Variants in PDCD11 observed in about 807,000 individuals in gnomAD.
The protein encoded by PDCD11 is programmed cell death 11.
PDCD11 carries 97 observed loss-of-function variants against 198.9 expected under a neutral mutation model. The observed-to-expected ratio is 0.49, with a 90% confidence interval of 0.41 to 0.58. PDCD11 has a LOEUF of 0.58. Ranked by LOEUF, PDCD11 falls within the 20% of genes least tolerant of loss-of-function variation. PDCD11 has a pLI of 0.00. For missense variants in PDCD11, 2,102 were observed against 2,312.7 expected, an observed-to-expected ratio of 0.91 and a Z score of 1.87; for synonymous variants, 893 against 918.0, an observed-to-expected ratio of 0.97 and a Z score of 0.49.
Position 103,441,817 on chromosome 10 carries a change from T to C in PDCD11, c.4558-9T>C, listed in dbSNP as rs2032395870. The C allele has an allele frequency of 1.2e-6, 2 of 1,613,546 alleles. No individual in the cohort carries two copies. Among genetic ancestry groups the C allele is most frequent in the African/African-American group, 2.7e-5 (2 of 74,892 alleles). ...AGGTGCTTTCTTTAGCGCCTCTGTGTTCCTCCAGGAGAAGCAAACCAAGCC... is the reference window on the plus strand; with the variant it reads ...AGGTGCTTTCTTTAGCGCCTCTGTGCTCCTCCAGGAGAAGCAAACCAAGCC... On this transcript the variant is annotated splice_polypyrimidine_tract_variant and intron_variant, in intron 30 of 35. Transcript: ENST00000369797.
chr10:103,431,814 A>C (rs888718777), intron 21 of PDCD11, among the ~76,000 whole-genome samples: 2 of 152,206 alleles, frequency 1.3e-5, no homozygotes, highest in Admixed American at 6.5e-5. Context: ...TTTTGAATGC[A>C]GTTTTGCAAA....
In PDCD11 at chr10:103,438,021, C is replaced by G. The variant is rs201159426; in HGVS notation, c.3852C>G (p.Tyr1284Ter). Reference sequence around the variant, plus strand: ...CTCTTTTGCCTTCATTCAGATGTTACATCCTGTCCACTGCAGACAACGTAT... The same window carrying G: ...CTCTTTTGCCTTCATTCAGATGTTAGATCCTGTCCACTGCAGACAACGTAT... ...DFVPQKVVRC[Y>*]ILSTADNVLT... The change falls in exon 26 of 36, where the codon TAC (tyrosine) becomes TAG (stop). Residue 1284 changes from tyrosine (Y) to a stop codon, truncating the protein, a stop_gained. Coordinates refer to ENST00000369797, the MANE Select transcript of PDCD11 (RefSeq NM_014976.2). LOFTEE classifies it high-confidence loss of function. 6.2e-7 allele frequency: 1 copy of G among 1,613,138 alleles called. No homozygotes were observed. The highest frequency in any genetic ancestry group is 8.5e-7 in the Non-Finnish European group (1 of 1,179,176).
At position 103,405,007 on chromosome 10, in the gene PDCD11, A is replaced by C. The variant is rs368300053; in HGVS notation, c.403-15A>C. On this transcript the variant is annotated splice_polypyrimidine_tract_variant and intron_variant, in intron 4 of 35. Transcript: ENST00000369797. ...GAAGGGTGTATATCAGGTCTTTCTC[A>C]TTTGTGTTATGCAGGACCTACTTCA... 1.9e-6 allele frequency: 3 copies of C among 1,612,742 alleles called. No individual in the cohort carries two copies. The highest frequency in any genetic ancestry group is 2.5e-6 in the Non-Finnish European group (3 of 1,179,212).
chr10:103,404,429 G>C (rs1311551390), intron 4 of PDCD11, among the ~76,000 whole-genome samples: 1 of 152,034 alleles, frequency 6.6e-6, no homozygotes, highest in Non-Finnish European at 1.5e-5. Flanking sequence ...CTCCTGAGTA[G>C]CTGGGATTAC....
chr10:103,440,614 C>G, intron 29 of PDCD11, 33 bp downstream of exon 29: 1 of 1,608,652 alleles, frequency 6.2e-7, no homozygotes, highest in Non-Finnish European at 8.5e-7. Context: ...GGCTGCCTAT[C>G]CTCCTCCTGG....
In PDCD11 at chr10:103,433,969, C is replaced by A. The variant is rs2032041246; in HGVS notation, c.3496C>A (p.Leu1166Ile). 1 of 1,613,522 alleles carries A rather than the reference C, an allele frequency of 6.2e-7. No individual in the cohort carries two copies. The highest frequency in any genetic ancestry group is 2.2e-5 in the East Asian group (1 of 44,882). Residue 1166 changes from leucine to isoleucine, a missense_variant, in exon 23 of 36, where the codon CTT becomes ATT. Physicochemically the swap from Leu to Ile is conservative, Grantham distance 5. Transcript: ENST00000369797. ...TCAGTACAATGTGGTGAAGAAATGG[C>A]TTGAGGTGGAGATTGCCCCAGACAT... is the stretch of plus-strand genomic sequence containing the variant. ...LKKYNVVKKW[L>I]EVEIAPDIRG...
At chr10:103,406,192 A>T in intron 6 of PDCD11, 84 bp downstream of exon 6, 1 of 1,488,732 alleles carries the variant, frequency 6.7e-7, no homozygotes, top group Non-Finnish European at 9.3e-7. Context: ...GATGAGTAAC[A>T]TGACAGAATG....
Position 103,444,337 on chromosome 10 carries a change from A to G in PDCD11, c.5279-180A>G, listed in dbSNP as rs1382286760. On this transcript the variant is annotated intron_variant, in intron 34 of 35. Coordinates refer to ENST00000369797, the MANE Select transcript of PDCD11 (RefSeq NM_014976.2). ...TGTGCCCAGAGAGTGGTGTGTCTGC[A>G]GTGCCCATCTGTGTATTTGGCCCCA... 4 of 642,424 alleles carry G rather than the reference A, an allele frequency of 6.2e-6. No individual in the cohort carries two copies. In the East Asian group the frequency reaches 1.1e-4, roughly 18 times the overall value. 39.8% of individuals were successfully genotyped at this position (642,424 alleles called of 1,614,324 possible).
intron 2 of PDCD11, among the ~76,000 whole-genome samples, chr10:103,399,212 A>T (rs2093451939): frequency 6.8e-6 from 1 of 147,634 alleles, no homozygotes; most frequent in African/African-American, 2.5e-5. Context: ...ACCATACCTG[A>T]CTAATTTTTG....
chr10:103,413,870 A>G, intron 9 of PDCD11, 96 bp from the exon 10 acceptor site: 1 of 1,185,092 alleles, frequency 8.4e-7, no homozygotes, highest in Non-Finnish European at 1.2e-6. Flanking sequence ...TTTTTATGGT[A>G]CATGATAAGT....
chr10:103,413,357 T>C, intron 9 of PDCD11, 35 bp downstream of exon 9: 1 of 1,557,184 alleles, frequency 6.4e-7, no homozygotes, highest in Non-Finnish European at 8.9e-7. Context: ...AGGGATCTTA[T>C]CACTGGAAGG....
Position 103,406,085 on chromosome 10 carries a change from A to G in PDCD11, c.665A>G (p.Glu222Gly), listed in dbSNP as rs765001589. 6 of 1,614,086 alleles carry G rather than the reference A, an allele frequency of 3.7e-6. No individual in the cohort carries two copies. Among genetic ancestry groups the G allele is most frequent in the Non-Finnish European group, 5.1e-6 (6 of 1,180,036 alleles). ...TTTCTGCCACTGCTGAAAGCCCAGG[A>G]GTACATCAGACAGAAGAACAAAGGT... ...RAFLPLLKAQ[E>G]YIRQKNKGAK... is the part of the protein sequence containing the mutation. Residue 222 changes from glutamate (E) to glycine (G), a missense_variant, in exon 6 of 36, where the codon GAG becomes GGG. Physicochemically the swap from Glu to Gly is moderately conservative, Grantham distance 98. Transcript: ENST00000369797.
At chr10:103,434,375 T>A in intron 24 of PDCD11, 25 bp downstream of exon 24, 1 of 1,461,818 alleles carries the variant, frequency 6.8e-7, no homozygotes, top group African/African-American at 1.4e-5. Context: ...CAGTGCCTGG[T>A]CGGGGAAGGG....
rs547419427 is a variant in PDCD11, at chr10:103,422,601, T to C, written c.2498-387T>C. On this transcript the variant is annotated intron_variant, in intron 17 of 35. Coordinates refer to ENST00000369797, the MANE Select transcript of PDCD11 (RefSeq NM_014976.2). Reference sequence around the variant, plus strand: ...CAGCAGATGAAATGGAACTGGGACCTGCCAGGCTTTGTGAGGGGTTATTAT... The same window carrying C: ...CAGCAGATGAAATGGAACTGGGACCCGCCAGGCTTTGTGAGGGGTTATTAT... 1.6e-3 allele frequency among the ~76,000 whole-genome samples: 239 copies of C among 152,220 alleles called. 2 individuals carry two copies. Among genetic ancestry groups the C allele is most frequent in the African/African-American group, 5.4e-3 (225 of 41,532 alleles).
At chr10:103,399,010 T>C (rs1253745605) in intron 2 of PDCD11, among the ~76,000 whole-genome samples, 1 of 151,932 alleles carries the variant, frequency 6.6e-6, no homozygotes, top group African/African-American at 2.4e-5. Context: ...TGAGACTCTG[T>C]CTCAAAAAAC....
In PDCD11 at chr10:103,414,256, TCTC is replaced by T; in HGVS notation, c.1311-11_1311-9del. Reference sequence around the variant, plus strand: ...CCCTAGTTTATTTAATTCTGTGTTTTCTCCTTGTCCTAGGTCTATTATTGAAGC... The same window carrying T: ...CCCTAGTTTATTTAATTCTGTGTTTTCTTGTCCTAGGTCTATTATTGAAGC... On this transcript the variant is annotated splice_polypyrimidine_tract_variant and intron_variant, in intron 10 of 35. Transcript: ENST00000369797. The T allele has an allele frequency of 6.2e-7, 1 of 1,611,978 alleles. No individual in the cohort carries two copies. The highest frequency in any genetic ancestry group is 1.1e-5 in the South Asian group (1 of 90,926).
In PDCD11 at chr10:103,440,806, C is replaced by G; in HGVS notation, c.4513C>G (p.Arg1505Gly). 1 of 1,613,772 alleles carries G rather than the reference C, an allele frequency of 6.2e-7. No individual in the cohort carries two copies. Among genetic ancestry groups the G allele is most frequent in the East Asian group, 2.2e-5 (1 of 44,892 alleles). ...EDDSLVDVYY[R>G]EGKEEAEETN... ...CGACAGCCTTGTGGACGTGTACTAT[C>G]GGGAGGGAAAAGAGGAGGCAGAAGA... Residue 1505 changes from arginine (R) to glycine (G), a missense_variant, in exon 30 of 36, where the codon CGG becomes GGG. Transcript: ENST00000369797.
intron 34 of PDCD11, 100 bp from the exon 35 acceptor site, chr10:103,444,417 C>T: frequency 8.3e-7 from 1 of 1,208,388 alleles, no homozygotes; most frequent in South Asian, 1.3e-5. Flanking sequence ...TCTTGGGACC[C>T]AAGAGCAGGG....
chr10:103,422,474 C>T (rs1184227912), intron 17 of PDCD11, among the ~76,000 whole-genome samples: 1 of 151,342 alleles, frequency 6.6e-6, no homozygotes, highest in East Asian at 1.9e-4. Context: ...ATGTCCTCTT[C>T]TCCCCACTGC....
Sources: gnomAD v4.1 joint callset for allele counts (sites outside exome capture counted in the v4.1 genomes callset) on GRCh38, gnomAD v4.1.1 for gene constraint, MANE v1.5 for transcripts, NCBI Gene and HGNC (gene_info 2026-07-23, HGNC 2026-07-21) for gene names.